Variants in RERE observed in about 807,000 individuals in gnomAD.
The protein encoded by RERE is arginine-glutamic acid dipeptide repeats protein.
A neutral mutation model predicts 146.1 loss-of-function variants in RERE; 40 were observed. The observed-to-expected ratio is 0.27, with a 90% CI of 0.21 to 0.36. RERE has a LOEUF of 0.36. RERE is among the 10% of genes least tolerant of loss of function. RERE has a pLI of 1.00. For synonymous variants in RERE, 1,003 were observed against 866.0 expected, an observed-to-expected ratio of 1.16 and a Z score of -2.78; for missense variants, 1,933 against 2,138.7, an observed-to-expected ratio of 0.90 and a Z score of 1.90.
chr1:8,735,385 T>C (rs1640174914), intron 1 of RERE, among the ~76,000 whole-genome samples: 1 of 152,248 alleles, frequency 6.6e-6, no homozygotes, highest in Non-Finnish European at 1.5e-5. Flanking sequence ...TTATACTTTC[T>C]GGAGATATTT....
chr1:8,511,773 C>CT (rs1180513795), intron 7 of RERE: 12 of 150,486 alleles, frequency 8.0e-5, no homozygotes, highest in African/African-American at 2.7e-4. Flanking sequence ...TCTCTTTTTT[C>CT]TTTTTCTTTT....
In RERE at chr1:8,516,227, GAAAAAA is replaced by G. The variant is rs58064164; in HGVS notation, c.831-7558_831-7553del. ...GGGACGGAGCAAGACTCTCTCAGAG[GAAAAAA>G]AAAAAAAAAAAAAAAATCTAGGTGT... On this transcript the variant is annotated intron_variant, in intron 7 of 22. Transcript: ENST00000400908. Among the ~76,000 whole-genome samples, 260 of 52,314 alleles carry G rather than the reference GAAAAAA, an allele frequency of 5.0e-3. 3 individuals are homozygous for G. The highest frequency in any genetic ancestry group is 0.021 in the African/African-American group (241 of 11,634). The allele number at this position is 52,314 out of a possible 152,430, so 34.3% of individuals were successfully genotyped here.
intron 7 of RERE, 41 bp from the exon 8 acceptor site, chr1:8,508,716 T>C: frequency 6.7e-7 from 1 of 1,497,716 alleles, no homozygotes; most frequent in South Asian, 1.2e-5. Flanking sequence ...CGCAATACAG[T>C]TTTGACATAA....
chr1:8,508,387 T>C (rs533406530), intron 8 of RERE, among the ~76,000 whole-genome samples: 1 of 152,306 alleles, frequency 6.6e-6, no homozygotes, highest in South Asian at 2.1e-4. Context: ...GTTCTGGAGA[T>C]AGATGACGGT....
At chr1:8,559,403 G>A (rs973795495) in intron 4 of RERE, among the ~76,000 whole-genome samples, 6 of 150,598 alleles carry the variant, frequency 4.0e-5, no homozygotes, top group Admixed American at 6.6e-5. Context: ...ACAAAAATAC[G>A]GCATCATCAC....
intron 1 of RERE, chr1:8,750,602 A>T: frequency 1.0e-6 from 1 of 994,884 alleles, no homozygotes; most frequent in Non-Finnish European, 1.6e-6. Flanking sequence ...GCACTATCAC[A>T]AGGAATATAG....
At chr1:8,772,690 G>T (rs1394976332) in intron 1 of RERE, among the ~76,000 whole-genome samples, 2 of 152,192 alleles carry the variant, frequency 1.3e-5, no homozygotes, top group Admixed American at 6.5e-5. Flanking sequence ...TGAGGCAGAA[G>T]AATCACTTGA....
chr1:8,433,762 T>G (rs1042457707), intron 11 of RERE, among the ~76,000 whole-genome samples: 41 of 151,274 alleles, frequency 2.7e-4, no homozygotes, highest in African/African-American at 7.8e-4. Context: ...GGGTTTCACC[T>G]TGTTAGCCAG....
At chr1:8,665,457 A>T (rs574753977) in intron 1 of RERE, among the ~76,000 whole-genome samples, 17 of 152,320 alleles carry the variant, frequency 1.1e-4, no homozygotes, top group Non-Finnish European at 2.1e-4. Context: ...CATACGTTGG[A>T]TCAGTAAAGA....
intron 11 of RERE, among the ~76,000 whole-genome samples, chr1:8,436,214 G>A (rs1350407370): frequency 1.3e-5 from 2 of 152,182 alleles, no homozygotes; most frequent in Non-Finnish European, 2.9e-5. Flanking sequence ...AGCTCCTTGG[G>A]AGGCTGAGGC....
chr1:8,409,971 ATTTTT>A (rs57424627), intron 12 of RERE, among the ~76,000 whole-genome samples: 4 of 95,374 alleles, frequency 4.2e-5, no homozygotes, highest in African/African-American at 8.2e-5. Context: ...CAATCAGGCA[ATTTTT>A]TTTTTTTTTT....
intron 11 of RERE, among the ~76,000 whole-genome samples, chr1:8,463,765 A>G (rs1224724598): frequency 6.6e-6 from 1 of 152,204 alleles, no homozygotes; most frequent in African/African-American, 2.4e-5. Context: ...GCCAAAGGGC[A>G]TGGAGACTGA....
At chr1:8,605,127 T>C (rs188161520) in intron 4 of RERE, among the ~76,000 whole-genome samples, 1 of 152,134 alleles carries the variant, frequency 6.6e-6, no homozygotes, top group Non-Finnish European at 1.5e-5. Context: ...AAATCAACTC[T>C]TTCCCAACTT....
intron 1 of RERE, among the ~76,000 whole-genome samples, chr1:8,672,895 AG>A: frequency 6.6e-6 from 1 of 152,344 alleles, no homozygotes; most frequent in Middle Eastern, 3.4e-3. Context: ...CTATTTGCTC[AG>A]GGTAAAATAC....
intron 4 of RERE, among the ~76,000 whole-genome samples, chr1:8,578,910 C>T (rs374093914): frequency 1.3e-5 from 2 of 152,206 alleles, no homozygotes; most frequent in South Asian, 2.1e-4. Flanking sequence ...GTCAAGGTTA[C>T]TAACAAAGAA....
At chr1:8,714,794 TACAAA>T (rs1236766637) in intron 1 of RERE, among the ~76,000 whole-genome samples, 2 of 152,242 alleles carry the variant, frequency 1.3e-5, no homozygotes, top group South Asian at 2.1e-4. Flanking sequence ...AGACGGGGCA[TACAAA>T]ACAAAACAAA....
chr1:8,416,540 T>C (rs1264526065), intron 12 of RERE, among the ~76,000 whole-genome samples: 2 of 140,526 alleles, frequency 1.4e-5, no homozygotes, highest in Admixed American at 7.8e-5. Context: ...GAGCCGAGAC[T>C]GCATAACTGC....
intron 7 of RERE, among the ~76,000 whole-genome samples, chr1:8,521,439 C>T (rs978947502): frequency 2.0e-5 from 3 of 151,860 alleles, no homozygotes; most frequent in South Asian, 4.1e-4. Flanking sequence ...GCCAGGAGTT[C>T]GAGACCAACC....
intron 9 of RERE, among the ~76,000 whole-genome samples, chr1:8,496,430 T>C (rs762547476): frequency 1.3e-5 from 2 of 151,942 alleles, no homozygotes; most frequent in Admixed American, 6.6e-5. Context: ...TGAGCTATAA[T>C]TGTGCCACTG....
Sources: gnomAD v4.1 joint callset for allele counts (sites outside exome capture counted in the v4.1 genomes callset) on GRCh38, gnomAD v4.1.1 for gene constraint, MANE v1.5 for transcripts, NCBI Gene and HGNC (gene_info 2026-07-23, HGNC 2026-07-21) for gene names.